ZNF589: variants seen among roughly 807,000 people sequenced by gnomAD.
ZNF589 encodes the protein zinc finger protein 589.
In ZNF589, 17 loss-of-function variants were observed where a neutral mutation model predicts 13.6. That is an observed-to-expected ratio of 1.25 (90% CI 0.86 to 1.88). The LOEUF (loss-of-function observed/expected upper bound fraction) is 1.88. Among genes scored for constraint, ZNF589 ranks in the 40% most tolerant of loss-of-function variants. The pLI is 0.00. For missense variants in ZNF589, 407 were observed against 434.0 expected, an observed-to-expected ratio of 0.94 and a Z score of 0.55; for synonymous variants, 148 against 161.6, an observed-to-expected ratio of 0.92 and a Z score of 0.64.
intron 3 of ZNF589, among the ~76,000 whole-genome samples, chr3:48,264,488 G>A (rs567436339): frequency 6.6e-6 from 1 of 150,576 alleles, no homozygotes; most frequent in African/African-American, 2.4e-5. Flanking sequence ...AGGCAAGATC[G>A]CACCACTGCA....
Position 48,268,897 on chromosome 3 carries a change from TCTC to T in ZNF589, c.*117_*119del, listed in dbSNP as rs1187092146. ...GGCGAGGCTTTCGTGCTAAATCAAC[TCTC>T]CTCCTACACCAGTGGACACATTCAG... On this transcript the variant is annotated 3_prime_UTR_variant, in exon 4 of 4. Transcript: ENST00000354698. The T allele has an allele frequency of 5.7e-6, 8 of 1,412,610 alleles. No individual in the cohort carries two copies. Among genetic ancestry groups the T allele is most frequent in the African/African-American group, 2.9e-5 (2 of 68,934 alleles). The allele number at this position is 1,412,610 out of a possible 1,614,324, so 87.5% of individuals were successfully genotyped here. A position where few individuals can be genotyped will look rare whatever the true frequency, so the allele number is the denominator to read the frequency against.
intron 3 of ZNF589, among the ~76,000 whole-genome samples, chr3:48,265,277 T>C (rs970257335): frequency 1.7e-5 from 2 of 114,902 alleles, no homozygotes; most frequent in African/African-American, 3.4e-5. Flanking sequence ...CGGCCTTTTT[T>C]TTTTTTTTTT....
At chr3:48,265,168 C>T (rs1367591262) in intron 3 of ZNF589, among the ~76,000 whole-genome samples, 4 of 149,910 alleles carry the variant, frequency 2.7e-5, no homozygotes, top group Admixed American at 6.7e-5. Context: ...GATGAGGTTT[C>T]GCCATATTTG....
chr3:48,269,474 C>A lies in ZNF589; in HGVS notation c.*688C>A. ...TGGGGAATGTGGGCGGGGATTTGGC[C>A]GGAAGATACTCCTCAACAGACACTG... On this transcript the variant is annotated 3_prime_UTR_variant, in exon 4 of 4. Transcript: ENST00000354698. The A allele has an allele frequency of 5.2e-6, 2 of 384,806 alleles. No individual in the cohort carries two copies. Among genetic ancestry groups the A allele is most frequent in the South Asian group, 2.4e-5 (1 of 41,740 alleles). The allele number at this position is 384,806 out of a possible 1,614,324, so 23.8% of individuals were successfully genotyped here.
intron 1 of ZNF589, among the ~76,000 whole-genome samples, chr3:48,247,275 A>C (rs1055039472): frequency 2.0e-5 from 3 of 151,578 alleles, no homozygotes; most frequent in Non-Finnish European, 4.4e-5. Flanking sequence ...TGCTCGGTCC[A>C]TTTTCATAAA....
At chr3:48,248,156 CA>C (rs2033791290) in intron 2 of ZNF589, among the ~76,000 whole-genome samples, 1 of 152,214 alleles carries the variant, frequency 6.6e-6, no homozygotes, top group Admixed American at 6.5e-5. Context: ...AATTTTATTT[CA>C]TCTCCATTCC....
chr3:48,258,094 A>G (rs367813158), intron 2 of ZNF589: 1 of 294,542 alleles, frequency 3.4e-6, no homozygotes, highest in East Asian at 9.9e-5. Flanking sequence ...AATTGTGTTA[A>G]ATCTATAGAT....
intron 1 of ZNF589, among the ~76,000 whole-genome samples, chr3:48,244,091 G>C (rs1407095935): frequency 6.6e-6 from 1 of 152,140 alleles, no homozygotes; most frequent in Non-Finnish European, 1.5e-5. Context: ...GGCAGAGTCA[G>C]GACTCAGGAG....
At position 48,268,710 on chromosome 3, in the gene ZNF589, G is replaced by C. The variant is rs768750112; in HGVS notation, c.1019G>C (p.Gly340Ala). Residue 340 changes from glycine to alanine, a missense_variant, in exon 4 of 4, where the codon GGC becomes GCC. Gly to Ala is a moderately conservative substitution (Grantham distance 60). Coordinates refer to ENST00000354698, the MANE Select transcript of ZNF589 (RefSeq NM_016089.3). ...KSFMCTVCGR[G>A]FREKSELIKH... is the part of the protein sequence containing the mutation. ...TTTATGTGCACAGTGTGTGGGCGAGGCTTTCGTGAAAAGTCAGAGCTCATT... is the reference window on the plus strand; with the variant it reads ...TTTATGTGCACAGTGTGTGGGCGAGCCTTTCGTGAAAAGTCAGAGCTCATT... 1.2e-6 allele frequency: 2 copies of C among 1,614,170 alleles called. No individual in the cohort carries two copies. The highest frequency in any genetic ancestry group is 1.7e-6 in the Non-Finnish European group (2 of 1,180,032).
rs1217610453 is a variant in ZNF589 at position 48,260,846 on chromosome 3, T to C, written c.130T>C (p.Phe44Leu). Residue 44 changes from phenylalanine to leucine, a missense_variant, in exon 3 of 4, where the codon TTC (phenylalanine) becomes CTC (leucine). Coordinates refer to ENST00000354698, the MANE Select transcript of ZNF589 (RefSeq NM_016089.3). Reference protein sequence around the residue: ...PVTFEDVAVLFTEAEWKRLSL... With the variant: ...PVTFEDVAVLLTEAEWKRLSL... ...GACTTTCGAGGATGTGGCTGTGCTT[T>C]TCACTGAGGCAGAGTGGAAGAGACT... The C allele has an allele frequency of 1.9e-6, 3 of 1,614,080 alleles. No homozygotes were observed. The highest frequency in any genetic ancestry group is 2.5e-6 in the Non-Finnish European group (3 of 1,180,044).
chr3:48,262,356 A>T (rs867548878), intron 3 of ZNF589, among the ~76,000 whole-genome samples: 2 of 151,824 alleles, frequency 1.3e-5, no homozygotes, highest in African/African-American at 4.8e-5. Flanking sequence ...CAGCCGGCTA[A>T]TTTTTTGTAT....
At chr3:48,263,771 AAC>A (rs1308852480) in intron 3 of ZNF589, among the ~76,000 whole-genome samples, 1 of 152,202 alleles carries the variant, frequency 6.6e-6, no homozygotes, top group Non-Finnish European at 1.5e-5. Context: ...AGAGAAAAAA[AAC>A]ACAAAACATT....
chr3:48,269,112 G>T lies in ZNF589; in HGVS notation c.*326G>T. ...CACACGGGAGAGAAGCCTTACACGT[G>T]CTTTGAGTGTGGGCGAAACTTTAGC... On this transcript the variant is annotated 3_prime_UTR_variant, in exon 4 of 4. Coordinates refer to ENST00000354698, the MANE Select transcript of ZNF589 (RefSeq NM_016089.3). The T allele has an allele frequency of 1.5e-6, 1 of 678,164 alleles. No individual in the cohort carries two copies. The highest frequency in any genetic ancestry group is 2.5e-6 in the Non-Finnish European group (1 of 395,292). The allele number at this position is 678,164 out of a possible 1,614,324, so 42.0% of individuals were successfully genotyped here. A position where few individuals can be genotyped will look rare whatever the true frequency, so the allele number is the denominator to read the frequency against.
In ZNF589 at chr3:48,269,931, C is replaced by T; in HGVS notation, c.*1145C>T. The T allele has an allele frequency of 4.8e-6, 2 of 419,036 alleles. No individual in the cohort carries two copies. The highest frequency in any genetic ancestry group is 3.5e-5 in the South Asian group (2 of 57,400). The allele number at this position is 419,036 out of a possible 1,614,324, so 26.0% of individuals were successfully genotyped here. A position where few individuals can be genotyped will look rare whatever the true frequency, so the allele number is the denominator to read the frequency against. ...TGGAGTCAAATCTATCCACTGTACG[C>T]CCACCCCACTCTTGTTCTAAGAGCT... On this transcript the variant is annotated 3_prime_UTR_variant, in exon 4 of 4. Coordinates refer to ENST00000354698, the MANE Select transcript of ZNF589 (RefSeq NM_016089.3).
chr3:48,241,223 G>A lies in ZNF589; in HGVS notation c.43+9G>A, dbSNP rs2033692774. 1 of 1,611,138 alleles carries A rather than the reference G, an allele frequency of 6.2e-7. No homozygotes were observed. The highest frequency in any genetic ancestry group is 8.5e-7 in the Non-Finnish European group (1 of 1,179,422). ...GGGCTGGACTGCGGAAGGTGAGTCGGGGCCGCGAGATCGCCTCCCCCATTC... is the reference window on the plus strand; with the variant it reads ...GGGCTGGACTGCGGAAGGTGAGTCGAGGCCGCGAGATCGCCTCCCCCATTC... On this transcript the variant is annotated intron_variant, in intron 1 of 3. Coordinates refer to ENST00000354698, the MANE Select transcript of ZNF589 (RefSeq NM_016089.3).
intron 2 of ZNF589, among the ~76,000 whole-genome samples, chr3:48,258,760 G>T (rs775198070): frequency 2.6e-5 from 4 of 152,170 alleles, no homozygotes; most frequent in Non-Finnish European, 4.4e-5. Flanking sequence ...GAGAGGTTAT[G>T]TAAGCTTCCA....
rs898237511 is a variant in ZNF589 at position 48,268,884 on chromosome 3, G to A, written c.*98G>A. On this transcript the variant is annotated 3_prime_UTR_variant, in exon 4 of 4. Coordinates refer to ENST00000354698, the MANE Select transcript of ZNF589 (RefSeq NM_016089.3). ...TGCAGAGAGTGTGGGCGAGGCTTTC[G>A]TGCTAAATCAACTCTCCTCCTACAC... 63 of 1,470,116 alleles carry A rather than the reference G, an allele frequency of 4.3e-5. No homozygotes were observed. The highest frequency in any genetic ancestry group is 3.8e-4 in the Middle Eastern group (2 of 5,302). 91.1% of individuals were successfully genotyped at this position (1,470,116 alleles called of 1,614,324 possible). A position where few individuals can be genotyped will look rare whatever the true frequency, so the allele number is the denominator to read the frequency against.
At chr3:48,250,127 CAA>C (rs140315981) in intron 2 of ZNF589, among the ~76,000 whole-genome samples, 5 of 129,880 alleles carry the variant, frequency 3.8e-5, no homozygotes, top group Admixed American at 1.6e-4. Flanking sequence ...GACTCCATTT[CAA>C]AAAAAAAAAA....
In ZNF589 at chr3:48,269,200, G is replaced by A. The variant is rs368584735; in HGVS notation, c.*414G>A. The A allele has an allele frequency of 4.3e-5, 53 of 1,222,390 alleles. No homozygotes were observed. The South Asian group carries it at 5.1e-4, about 12-fold the overall frequency. 75.7% of individuals were successfully genotyped at this position (1,222,390 alleles called of 1,614,324 possible). A position where few individuals can be genotyped will look rare whatever the true frequency, so the allele number is the denominator to read the frequency against. ...CTGGGGAGAAGCCTTATGCATGCAC[G>A]GAGTGTGGGCAAGGCTTTATCACGA... On this transcript the variant is annotated 3_prime_UTR_variant, in exon 4 of 4. Transcript: ENST00000354698.
Sources: allele counts gnomAD v4.1 joint callset (sites outside exome capture counted in the v4.1 genomes callset), GRCh38; gene constraint gnomAD v4.1.1; transcripts MANE v1.5; gene names NCBI Gene and HGNC (gene_info 2026-07-23, HGNC 2026-07-21).